The following CASD1 variants were observed in gnomAD, a reference collection of about 807,000 sequenced individuals.
The protein encoded by CASD1 is N-acetylneuraminate (7)9-O-acetyltransferase.
A neutral mutation model predicts 100.0 loss-of-function variants in CASD1; 41 were observed. The observed-to-expected ratio is 0.41, with a 90% CI of 0.32 to 0.53. The LOEUF is 0.53. Among genes scored for constraint, CASD1 ranks in the 20% least tolerant of loss-of-function variants. The pLI, the probability that CASD1 is intolerant of heterozygous loss-of-function variation, is 0.25. For synonymous variants in CASD1, 321 were observed against 315.6 expected, an observed-to-expected ratio of 1.02 and a Z score of -0.18; for missense variants, 774 against 948.7, an observed-to-expected ratio of 0.82 and a Z score of 2.42.
the CASD1 span, among the ~76,000 whole-genome samples, chr7:94,610,409 A>C: frequency 6.6e-6 from 1 of 152,028 alleles, no homozygotes; most frequent in Non-Finnish European, 1.5e-5. Context: ...CAAATATACC[A>C]CTCTGGTGGG....
the CASD1 span, among the ~76,000 whole-genome samples, chr7:94,572,178 ACT>A: frequency 2.0e-5 from 3 of 151,822 alleles, no homozygotes; most frequent in Non-Finnish European, 2.9e-5. Flanking sequence ...TTTTACTGGG[ACT>A]CTCTAGATTT....
At position 94,509,892 on chromosome 7, in the gene CASD1, G is replaced by C; in HGVS notation, c.-193G>C. 4.7e-6 allele frequency: 5 copies of C among 1,066,386 alleles called. No homozygotes were observed. Among genetic ancestry groups the C allele is most frequent in the Non-Finnish European group, 5.7e-6 (5 of 882,132 alleles). The allele number at this position is 1,066,386 out of a possible 1,614,324, so 66.1% of individuals were successfully genotyped here. On this transcript the variant is annotated 5_prime_UTR_variant, in exon 1 of 18. Coordinates refer to ENST00000297273, the MANE Select transcript of CASD1 (RefSeq NM_022900.5). Reference sequence around the variant, plus strand: ...GGGGGGAGGCCGCCGAGTCGGCCGCGGCCGAGGAGGGGCAGGCGGAGGTCG... The same window carrying C: ...GGGGGGAGGCCGCCGAGTCGGCCGCCGCCGAGGAGGGGCAGGCGGAGGTCG...
intron 8 of CASD1, 43 bp from the exon 9 acceptor site, chr7:94,537,429 A>G (rs1198696063): frequency 1.0e-5 from 16 of 1,524,626 alleles, no homozygotes; most frequent in East Asian, 2.3e-5. Flanking sequence ...TGTGAAATAC[A>G]TCACTGACAA....
the CASD1 span, chr7:94,588,642 C>G: frequency 6.4e-7 from 1 of 1,566,512 alleles, no homozygotes; most frequent in African/African-American, 1.4e-5. Flanking sequence ...ATCTTTTAAT[C>G]TATTAGATTC....
chr7:94,624,076 G>C, the CASD1 span: 1 of 393,588 alleles, frequency 2.5e-6, no homozygotes, highest in East Asian at 3.6e-5. Flanking sequence ...CAAAGCAAAG[G>C]CCAACAACAG....
At chr7:94,536,593 A>G (rs1343597964) in intron 8 of CASD1, among the ~76,000 whole-genome samples, 2 of 152,082 alleles carry the variant, frequency 1.3e-5, no homozygotes, top group Admixed American at 6.5e-5. Context: ...ACTGGTTAAG[A>G]ACCTTGCAGT....
At chr7:94,571,353 C>T in the CASD1 span, among the ~76,000 whole-genome samples, 1 of 152,040 alleles carries the variant, frequency 6.6e-6, no homozygotes, top group African/African-American at 2.4e-5. Context: ...ACACACTTCC[C>T]ACCCCCATTT....
the CASD1 span, among the ~76,000 whole-genome samples, chr7:94,581,014 A>G: frequency 2.0e-5 from 3 of 152,312 alleles, no homozygotes; most frequent in Admixed American, 6.5e-5. Context: ...CCAGAATCCC[A>G]TAAGGAAAGC....
chr7:94,533,757 T>C lies in CASD1; in HGVS notation c.583T>C (p.Leu195=). Residue 195 remains leucine (L), a synonymous_variant, in exon 7 of 18, where the codon TTA becomes CTA. Coordinates refer to ENST00000297273, the MANE Select transcript of CASD1 (RefSeq NM_022900.5). ...GAACATCACCTCCATAGCACCACTT[T>C]TAGAAAAATTGGCAAAGACTAGTGA... is the stretch of plus-strand genomic sequence containing the variant. ...KMNITSIAPL[L]EKLAKTSDVY... is the part of the protein sequence containing the mutation. 2 of 1,603,300 alleles carry C rather than the reference T, an allele frequency of 1.2e-6. No homozygotes were observed. The highest frequency in any genetic ancestry group is 1.7e-6 in the Non-Finnish European group (2 of 1,174,830).
intron 7 of CASD1, among the ~76,000 whole-genome samples, chr7:94,534,425 T>A (rs919143800): frequency 1.3e-5 from 2 of 152,102 alleles, no homozygotes; most frequent in Admixed American, 6.6e-5. Flanking sequence ...CTTCATAATA[T>A]TAATAAAGTC....
intron 3 of CASD1, among the ~76,000 whole-genome samples, chr7:94,523,849 A>G (rs571159982): frequency 6.6e-6 from 1 of 152,344 alleles, no homozygotes; most frequent in South Asian, 2.1e-4. Flanking sequence ...GTATAAACAA[A>G]GAAACCATTA....
rs142115202 is a variant in CASD1, at chr7:94,556,354, A to G, written c.*596A>G. ...TTCTTCCTAACTGTGGTTTTCGGGT[A>G]TGCAAGCCTAAATCTTTGTACACTT... On this transcript the variant is annotated 3_prime_UTR_variant, in exon 18 of 18. Coordinates refer to ENST00000297273, the MANE Select transcript of CASD1 (RefSeq NM_022900.5). 2 of 152,116 alleles carry G rather than the reference A, an allele frequency of 1.3e-5. No individual in the cohort carries two copies. The highest frequency in any genetic ancestry group is 1.3e-4 in the Admixed American group (2 of 15,264). The allele number at this position is 152,116 out of a possible 1,614,324, so 9.4% of individuals were successfully genotyped here.
At chr7:94,535,775 G>A (rs1198338341) in intron 8 of CASD1, among the ~76,000 whole-genome samples, 1 of 152,100 alleles carries the variant, frequency 6.6e-6, no homozygotes, top group African/African-American at 2.4e-5. Context: ...CATTTACTGA[G>A]TGCTAATCAC....
the CASD1 span, among the ~76,000 whole-genome samples, chr7:94,614,697 G>A: frequency 6.6e-6 from 1 of 152,096 alleles, no homozygotes; most frequent in Non-Finnish European, 1.5e-5. Flanking sequence ...TGAGAGAGGA[G>A]CCCTCTCTGT....
At position 94,556,699 on chromosome 7, in the gene CASD1, G is replaced by A. The variant is rs1278711653; in HGVS notation, c.*941G>A. ...GTGTAGTAAACATGCAAGTTGTTAC[G>A]ATTGAGCTGTATTACCATAAGTAGA... On this transcript the variant is annotated 3_prime_UTR_variant, in exon 18 of 18. Coordinates refer to ENST00000297273, the MANE Select transcript of CASD1 (RefSeq NM_022900.5). 1.3e-5 allele frequency: 2 copies of A among 151,966 alleles called. No individual in the cohort carries two copies. Among genetic ancestry groups the A allele is most frequent in the Non-Finnish European group, 2.9e-5 (2 of 67,908 alleles). The allele number at this position is 151,966 out of a possible 1,614,324, so 9.4% of individuals were successfully genotyped here. A position where few individuals can be genotyped will look rare whatever the true frequency, so the allele number is the denominator to read the frequency against.
At chr7:94,599,320 TACTC>T in the CASD1 span, 27 of 290,856 alleles carry the variant, frequency 9.3e-5, 1 homozygote, top group South Asian at 5.3e-4. Context: ...CATTTATAAA[TACTC>T]ACAGAAGTTT....
At chr7:94,600,668 T>C in the CASD1 span, 3 of 1,613,398 alleles carry the variant, frequency 1.9e-6, no homozygotes, top group African/African-American at 2.7e-5. Flanking sequence ...CGGCAGCACA[T>C]GATATAAGCA....
At chr7:94,604,676 T>A in the CASD1 span, among the ~76,000 whole-genome samples, 1 of 151,206 alleles carries the variant, frequency 6.6e-6, no homozygotes, top group African/African-American at 2.4e-5. Context: ...AAAAACTGGA[T>A]ATCCACATAT....
chr7:94,533,178 C>T (rs766332692), intron 5 of CASD1, 27 bp from the exon 6 acceptor site: 1 of 1,571,694 alleles, frequency 6.4e-7, no homozygotes, highest in South Asian at 1.1e-5. Flanking sequence ...GATTATAATA[C>T]TATGATAAAG....
Sources: allele counts gnomAD v4.1 joint callset (sites outside exome capture counted in the v4.1 genomes callset), GRCh38; gene constraint gnomAD v4.1.1; transcripts MANE v1.5; gene names NCBI Gene and HGNC (gene_info 2026-07-23, HGNC 2026-07-21).